Variants in SUMF1 observed in about 807,000 individuals in gnomAD.
The protein encoded by SUMF1 is sulfatase modifying factor 1.
In SUMF1, 48 loss-of-function variants were observed where a neutral mutation model predicts 47.6. That is an observed-to-expected ratio of 1.01 (90% confidence interval 0.80 to 1.28). The LOEUF (loss-of-function observed/expected upper bound fraction) is 1.28. Ranked by LOEUF, SUMF1 falls within the 50% of genes most tolerant of loss-of-function variation. The probability of loss-of-function intolerance (pLI) is 0.00; values close to 1 mark genes in which losing one functional copy is unlikely to be tolerated. For synonymous variants in SUMF1, 230 were observed against 192.1 expected (o/e 1.20, Z -1.63); for missense variants, 571 against 485.4 (o/e 1.18, Z -1.66).
At chr3:4,090,124 G>T (rs117623751) in intron 8 of SUMF1, among the ~76,000 whole-genome samples, 1 of 152,076 alleles carries the variant, frequency 6.6e-6, no homozygotes, top group Admixed American at 6.6e-5. Context: ...TTAATATTTG[G>T]TAAATGAATA....
downstream of SUMF1, among the ~76,000 whole-genome samples, chr3:4,359,492 T>C (rs918921125): frequency 2.0e-5 from 3 of 152,168 alleles, no homozygotes; most frequent in African/African-American, 4.8e-5. Context: ...TTTGTTGCTG[T>C]TATAACTCCG....
chr3:4,293,699 T>C (rs148321079), intron 8 of SUMF1, among the ~76,000 whole-genome samples: 6 of 152,340 alleles, frequency 3.9e-5, no homozygotes, highest in South Asian at 4.1e-4. Flanking sequence ...AAGACTAGCA[T>C]ATTCAGCAGT....
intron 8 of SUMF1, among the ~76,000 whole-genome samples, chr3:4,266,423 T>C (rs7428002): frequency 0.36 from 53,572 of 150,160 alleles, 9,727 homozygotes; most frequent in Non-Finnish European, 0.43. Context: ...TGGTTTGTAG[T>C]TCTCCTTGAA....
In SUMF1 at chr3:4,467,154, G is replaced by C. The variant is rs1171986908; in HGVS notation, c.92C>G (p.Ala31Gly). The change falls in exon 1 of 9, where the codon GCG becomes GGG. Residue 31 changes from alanine to glycine, a missense_variant. Physicochemically the swap from Ala to Gly is moderately conservative, Grantham distance 60. Transcript: ENST00000272902. ...GGTCCCGGCCTCCTGGCTCCCTGCC[G>C]CTCCACACAGCAGCGAGAGCAGCAG... is the stretch of plus-strand genomic sequence containing the variant. ...LLLLLSLLCG[A>G]AGSQEAGTGA... 9 of 1,593,354 alleles carry C rather than the reference G, an allele frequency of 5.6e-6. No homozygotes were observed. The highest frequency in any genetic ancestry group is 6.8e-6 in the Non-Finnish European group (8 of 1,171,236).
chr3:4,310,840 C>CAAATCA, intron 8 of SUMF1, among the ~76,000 whole-genome samples: 1 of 151,954 alleles, frequency 6.6e-6, no homozygotes, highest in Non-Finnish European at 1.5e-5. Flanking sequence ...CCTTTAATGA[C>CAAATCA]AAATCAACTT....
intron 8 of SUMF1, among the ~76,000 whole-genome samples, chr3:4,246,296 A>C (rs1452736765): frequency 6.6e-6 from 1 of 151,312 alleles, no homozygotes; most frequent in Non-Finnish European, 1.5e-5. Flanking sequence ...AATGAGATGA[A>C]CCAGGTACCT....
chr3:4,224,368 A>T lies in SUMF1; in HGVS notation c.1014+151962T>A, dbSNP rs567570883. Among the ~76,000 whole-genome samples, 7 of 152,194 alleles carry T rather than the reference A, an allele frequency of 4.6e-5. No individual in the cohort carries two copies. In the East Asian group the frequency reaches 1.4e-3, roughly 29 times the overall value. On this transcript the variant is annotated intron_variant and NMD_transcript_variant, in intron 8 of 12. Coordinates refer to the SUMF1 transcript ENST00000448413. ...TGAGTAACTGTTTTTTATTGAATTC[A>T]GCTACACAGTGTTCAAGGCATATTT...
At chr3:4,131,536 G>C (rs1030535609) in intron 8 of SUMF1, among the ~76,000 whole-genome samples, 1 of 152,134 alleles carries the variant, frequency 6.6e-6, no homozygotes, top group African/African-American at 2.4e-5. Flanking sequence ...GCAGTACTTC[G>C]AGCAGTGCAC....
At chr3:4,415,729 G>T (rs534850976) in intron 6 of SUMF1, among the ~76,000 whole-genome samples, 22 of 152,040 alleles carry the variant, frequency 1.4e-4, no homozygotes, top group African/African-American at 5.3e-4. Flanking sequence ...GGGAGAATTG[G>T]TTGAACCCAG....
intron 8 of SUMF1, among the ~76,000 whole-genome samples, chr3:4,296,007 T>C (rs1310062417): frequency 6.6e-6 from 1 of 152,168 alleles, no homozygotes; most frequent in African/African-American, 2.4e-5. Context: ...ACTGCTGTCT[T>C]TTGGAAAACA....
At chr3:4,387,136 T>C (rs2124910219) in intron 7 of SUMF1, among the ~76,000 whole-genome samples, 1 of 152,186 alleles carries the variant, frequency 6.6e-6, no homozygotes, top group South Asian at 2.1e-4. Context: ...GTTCCCTTCT[T>C]TTCATTTTCT....
chr3:4,182,353 A>T (rs1160062), intron 8 of SUMF1, among the ~76,000 whole-genome samples: 38,273 of 150,642 alleles, frequency 0.25, 5,133 homozygotes, highest in Middle Eastern at 0.31. Context: ...TCTGTGCATG[A>T]TAAATCCAAC....
At chr3:4,270,372 T>A (rs1160918074) in intron 8 of SUMF1, among the ~76,000 whole-genome samples, 3 of 152,040 alleles carry the variant, frequency 2.0e-5, no homozygotes, top group African/African-American at 7.2e-5. Flanking sequence ...TCCCTTCCCT[T>A]ATTTTCACTT....
intron 7 of SUMF1, among the ~76,000 whole-genome samples, chr3:4,386,409 T>A (rs1253768572): frequency 6.6e-6 from 1 of 152,178 alleles, no homozygotes; most frequent in Non-Finnish European, 1.5e-5. Context: ...TGTCCATGTG[T>A]TTGTTGTTAG....
chr3:4,224,881 T>C (rs1259019336), intron 8 of SUMF1, among the ~76,000 whole-genome samples: 1 of 152,126 alleles, frequency 6.6e-6, no homozygotes, highest in East Asian at 1.9e-4. Flanking sequence ...CTCAAGTCCC[T>C]GATCCTACAG....
intron 8 of SUMF1, among the ~76,000 whole-genome samples, chr3:4,155,206 A>G (rs1031717136): frequency 6.6e-6 from 1 of 151,370 alleles, no homozygotes; most frequent in African/African-American, 2.5e-5. Context: ...TCCTATGCCA[A>G]TTAAGGTACT....
chr3:4,165,862 T>TTCCCC (rs61488909), intron 8 of SUMF1, among the ~76,000 whole-genome samples: 2 of 139,220 alleles, frequency 1.4e-5, no homozygotes, highest in East Asian at 2.1e-4. Context: ...TTTGTTTGTT[T>TTCCCC]CCCCCCCCCC....
intron 8 of SUMF1, among the ~76,000 whole-genome samples, chr3:4,234,988 T>C (rs1054354515): frequency 1.4e-4 from 22 of 152,230 alleles, no homozygotes; most frequent in African/African-American, 5.1e-4. Flanking sequence ...GAACGTAACA[T>C]TGACTGAATT....
chr3:4,264,171 A>G (rs1439251687), intron 8 of SUMF1, among the ~76,000 whole-genome samples: 1 of 152,182 alleles, frequency 6.6e-6, no homozygotes, highest in Non-Finnish European at 1.5e-5. Context: ...AATTGGGAGT[A>G]GAGTTAAAAA....
Sources: gnomAD v4.1 joint callset for allele counts (sites outside exome capture counted in the v4.1 genomes callset) on GRCh38, gnomAD v4.1.1 for gene constraint, MANE v1.5 for transcripts, NCBI Gene and HGNC (gene_info 2026-07-23, HGNC 2026-07-21) for gene names.